MROH9: variants seen among roughly 807,000 people sequenced by gnomAD.
MROH9 encodes the protein maestro heat like repeat family member 9, also known as maestro heat-like repeat-containing protein family member 9.
A neutral mutation model predicts 98.2 loss-of-function variants in MROH9; 92 were observed. The observed-to-expected ratio is 0.94, with a 90% CI of 0.79 to 1.11. The LOEUF (loss-of-function observed/expected upper bound fraction) is 1.11, where lower values mean the gene tolerates loss of function less well. MROH9 is among the 50% of genes most tolerant of loss of function. MROH9 has a pLI of 0.00. For synonymous variants in MROH9, 397 were observed against 368.9 expected (o/e 1.08, Z -0.87); for missense variants, 1,057 against 1,014.8 (o/e 1.04, Z -0.57).
At chr1:170,978,190 G>C (rs1043676213) in intron 8 of MROH9, among the ~76,000 whole-genome samples, 6 of 152,222 alleles carry the variant, frequency 3.9e-5, no homozygotes, top group African/African-American at 1.4e-4. Flanking sequence ...TGAGCTTGGG[G>C]TTATGCTTGT....
intron 3 of MROH9, among the ~76,000 whole-genome samples, chr1:170,955,890 T>C (rs1557872249): frequency 6.6e-6 from 1 of 152,326 alleles, no homozygotes; most frequent in East Asian, 1.9e-4. Context: ...AATTTTTGCC[T>C]AAGCCAACGT....
chr1:171,062,929 T>C (rs570370310), intron 21 of MROH9, among the ~76,000 whole-genome samples: 66 of 151,940 alleles, frequency 4.3e-4, no homozygotes, highest in African/African-American at 1.4e-3. Context: ...ACCAGAGTAG[T>C]ACATTTATTA....
chr1:171,045,455 C>G (rs1037381843), intron 20 of MROH9, among the ~76,000 whole-genome samples: 1 of 151,932 alleles, frequency 6.6e-6, no homozygotes, highest in Admixed American at 6.6e-5. Context: ...CTCTTAGTAC[C>G]GCTTTTGCTG....
chr1:170,968,619 A>T lies in MROH9; in HGVS notation c.481-3129A>T, dbSNP rs550874309. Among the ~76,000 whole-genome samples, 125 of 152,288 alleles carry T rather than the reference A, an allele frequency of 8.2e-4. 1 individual carries two copies. The Middle Eastern group carries it at 0.017, about 21-fold the overall frequency. ...GAGAGACAGCTGGGCTTTGTGGCTCATGCCTATAATCCCAGTGCTTTGAGA... is the reference window on the plus strand; with the variant it reads ...GAGAGACAGCTGGGCTTTGTGGCTCTTGCCTATAATCCCAGTGCTTTGAGA... On this transcript the variant is annotated intron_variant, in intron 7 of 21. Transcript: ENST00000367759.
At chr1:170,992,430 C>T (rs1219697582) in intron 12 of MROH9, 101 bp downstream of exon 12, 10 of 1,209,144 alleles carry the variant, frequency 8.3e-6, no homozygotes, top group Non-Finnish European at 1.0e-5. Context: ...TAACACAGTC[C>T]TCTTCTCATG....
In MROH9 at chr1:171,013,138, C is replaced by A. The variant is rs116260854; in HGVS notation, c.1597-979C>A. 2.2e-3 allele frequency among the ~76,000 whole-genome samples: 342 copies of A among 152,252 alleles called. 1 individual carries two copies. The highest frequency in any genetic ancestry group is 7.8e-3 in the African/African-American group (326 of 41,560). Reference sequence around the variant, plus strand: ...CTTCTAGCTAATGCCAACTCACAAACCTAAATCTAAATATCACTCTTCATT... The same window carrying A: ...CTTCTAGCTAATGCCAACTCACAAAACTAAATCTAAATATCACTCTTCATT... On this transcript the variant is annotated intron_variant, in intron 15 of 21. Transcript: ENST00000367759.
rs558605019 is a variant in MROH9 at position 170,983,621 on chromosome 1, G to A, written c.729+87G>A. 421 of 794,618 alleles carry A rather than the reference G, an allele frequency of 5.3e-4. 2 individuals are homozygous for A. The highest frequency in any genetic ancestry group is 2.5e-3 in the Admixed American group (93 of 36,680). 49.2% of individuals were successfully genotyped at this position (794,618 alleles called of 1,614,324 possible). Reference sequence around the variant, plus strand: ...AATTTATTTCAACAAAGTTTATGTCGTTAGTATTTTTTCGTTTTTTTTTAA... The same window carrying A: ...AATTTATTTCAACAAAGTTTATGTCATTAGTATTTTTTCGTTTTTTTTTAA... On this transcript the variant is annotated intron_variant, in intron 9 of 21. Coordinates refer to ENST00000367759, the MANE Select transcript of MROH9 (RefSeq NM_001163629.2).
chr1:170,966,973 C>A (rs955981449), intron 7 of MROH9, among the ~76,000 whole-genome samples: 1 of 152,134 alleles, frequency 6.6e-6, no homozygotes, highest in African/African-American at 2.4e-5. Context: ...TTTCTCTCTG[C>A]ATTTGATATA....
intron 6 of MROH9, among the ~76,000 whole-genome samples, chr1:170,963,427 C>T (rs1448961936): frequency 6.6e-6 from 1 of 152,062 alleles, no homozygotes; most frequent in African/African-American, 2.4e-5. Context: ...ATGGTGATTC[C>T]TCGAAGACCT....
intron 20 of MROH9, among the ~76,000 whole-genome samples, chr1:171,061,383 A>T (rs1439446648): frequency 6.6e-6 from 1 of 152,150 alleles, no homozygotes; most frequent in African/African-American, 2.4e-5. Context: ...CAGTTATACA[A>T]ATACCTGCCA....
intron 3 of MROH9, among the ~76,000 whole-genome samples, chr1:170,956,680 G>A (rs572546808): frequency 1.6e-4 from 23 of 146,172 alleles, no homozygotes; most frequent in Non-Finnish European, 2.4e-4. Flanking sequence ...ATATAGAAGA[G>A]CTACTGATTT....
intron 20 of MROH9, among the ~76,000 whole-genome samples, chr1:171,042,302 T>C (rs1000415430): frequency 6.6e-6 from 1 of 152,094 alleles, no homozygotes; most frequent in Admixed American, 6.6e-5. Flanking sequence ...ACTCATGTTG[T>C]TGCAAATGAC....
intron 16 of MROH9, among the ~76,000 whole-genome samples, chr1:171,014,761 T>C (rs778786687): frequency 6.6e-6 from 1 of 152,244 alleles, no homozygotes; most frequent in Non-Finnish European, 1.5e-5. Context: ...ATATCAGTTA[T>C]GAGCACTCAT....
At chr1:171,044,613 AC>A (rs1478305982) in intron 20 of MROH9, among the ~76,000 whole-genome samples, 2 of 152,050 alleles carry the variant, frequency 1.3e-5, no homozygotes, top group African/African-American at 2.4e-5. Context: ...TCACTGGGAG[AC>A]TTTGTATTAT....
chr1:171,052,234 G>A (rs1243606645), intron 20 of MROH9, among the ~76,000 whole-genome samples: 4 of 152,208 alleles, frequency 2.6e-5, no homozygotes, highest in Non-Finnish European at 5.9e-5. Flanking sequence ...TCAGTTGTTT[G>A]TCATTGTTAT....
chr1:171,039,440 CA>C, intron 20 of MROH9, among the ~76,000 whole-genome samples: 1 of 152,290 alleles, frequency 6.6e-6, no homozygotes, highest in East Asian at 1.9e-4. Context: ...ATATCAGCTC[CA>C]AAATGTTTGC....
chr1:170,954,513 C>T (rs956204211), intron 3 of MROH9, among the ~76,000 whole-genome samples: 2 of 151,920 alleles, frequency 1.3e-5, no homozygotes, highest in Non-Finnish European at 2.9e-5. Flanking sequence ...TGGATAAATA[C>T]CCATAAATAG....
At chr1:170,936,029 A>G (rs1648868671) in intron 1 of MROH9, among the ~76,000 whole-genome samples, 1 of 150,552 alleles carries the variant, frequency 6.6e-6, no homozygotes, top group Non-Finnish European at 1.5e-5. Flanking sequence ...AGAAAATTAC[A>G]TTACTATGGG....
intron 15 of MROH9, among the ~76,000 whole-genome samples, chr1:171,012,572 G>A (rs1322815941): frequency 7.0e-6 from 1 of 143,714 alleles, no homozygotes; most frequent in African/African-American, 2.7e-5. Context: ...GCTCGATCTC[G>A]GCTCACCGCA....
Sources: allele counts gnomAD v4.1 joint callset (sites outside exome capture counted in the v4.1 genomes callset), GRCh38; gene constraint gnomAD v4.1.1; transcripts MANE v1.5; gene names NCBI Gene and HGNC (gene_info 2026-07-23, HGNC 2026-07-21).